NLN: variants seen among roughly 807,000 people sequenced by gnomAD.
The protein encoded by NLN is neurolysin.
In NLN, 64 loss-of-function variants were observed where a neutral mutation model predicts 79.9. That is an observed-to-expected ratio of 0.80 (90% confidence interval 0.65 to 0.99). The LOEUF is 0.99. Among genes scored for constraint, NLN ranks in the 50% least tolerant of loss-of-function variants. The pLI is 0.00. For synonymous variants in NLN, 267 were observed against 296.6 expected, an observed-to-expected ratio of 0.90 and a Z score of 1.02; for missense variants, 835 against 858.7, an observed-to-expected ratio of 0.97 and a Z score of 0.34.
intron 4 of NLN, among the ~76,000 whole-genome samples, chr5:65,778,143 C>G (rs1339169083): frequency 1.3e-5 from 2 of 152,122 alleles, no homozygotes; most frequent in Non-Finnish European, 2.9e-5. Context: ...AAACCAGCAC[C>G]TTGGAATGGA....
chr5:65,776,257 A>C (rs1759677728), intron 3 of NLN, among the ~76,000 whole-genome samples: 3 of 152,236 alleles, frequency 2.0e-5, no homozygotes, highest in Non-Finnish European at 4.4e-5. Context: ...GTCTCCAAAA[A>C]AATAAAATAA....
chr5:65,724,739 A>C (rs1173413312), intron 1 of NLN, among the ~76,000 whole-genome samples: 1 of 151,280 alleles, frequency 6.6e-6, no homozygotes, highest in Admixed American at 6.6e-5. Context: ...CCACATCATC[A>C]TCAGCACTTA....
Position 65,763,047 on chromosome 5 carries a change from C to G in NLN, c.389C>G (p.Ser130Cys), listed in dbSNP as rs1276707831. Residue 130 changes from serine (S) to cysteine (C), a missense_variant, in exon 3 of 13, where the codon TCT becomes TGT. Coordinates refer to ENST00000380985, the MANE Select transcript of NLN (RefSeq NM_020726.5). ...AASTEADKRL[S>C]RFDIEMSMRG... ...AGTACAGAAGCAGACAAAAGACTTT[C>G]TCGTTTTGATATTGAGATGAGCATG... The G allele has an allele frequency of 6.2e-7, 1 of 1,613,718 alleles. No individual in the cohort carries two copies. Among genetic ancestry groups the G allele is most frequent in the Non-Finnish European group, 8.5e-7 (1 of 1,179,788 alleles).
chr5:65,790,186 T>C (rs903301575), intron 8 of NLN, among the ~76,000 whole-genome samples: 1 of 152,148 alleles, frequency 6.6e-6, no homozygotes, highest in Non-Finnish European at 1.5e-5. Flanking sequence ...TTTAAATAGA[T>C]CAAAGGAGAG....
chr5:65,815,034 G>A (rs1477577494), intron 12 of NLN, among the ~76,000 whole-genome samples: 2 of 152,096 alleles, frequency 1.3e-5, no homozygotes, highest in African/African-American at 4.8e-5. Context: ...ATAGTACATA[G>A]ATTATTTTAG....
intron 6 of NLN, among the ~76,000 whole-genome samples, chr5:65,783,097 A>T (rs1007966761): frequency 6.6e-6 from 1 of 152,178 alleles, no homozygotes; most frequent in Admixed American, 6.5e-5. Flanking sequence ...AAATAAGATA[A>T]AAGTTTTATC....
At chr5:65,821,290 C>G (rs147631633) in intron 12 of NLN, among the ~76,000 whole-genome samples, 1 of 152,230 alleles carries the variant, frequency 6.6e-6, no homozygotes, top group Non-Finnish European at 1.5e-5. Context: ...GTGTAGCAAA[C>G]CTTCCTAAAG....
At chr5:65,794,158 T>TA (rs1760122574) in intron 9 of NLN, among the ~76,000 whole-genome samples, 1 of 152,192 alleles carries the variant, frequency 6.6e-6, no homozygotes, top group African/African-American at 2.4e-5. Flanking sequence ...GGAAGTGGTT[T>TA]ATGTTGTCAG....
chr5:65,765,379 G>A (rs1194407891), intron 3 of NLN, among the ~76,000 whole-genome samples: 2 of 152,052 alleles, frequency 1.3e-5, no homozygotes, highest in Admixed American at 6.6e-5. Flanking sequence ...TTAGCCAGGT[G>A]TGGTGGCAGG....
chr5:65,800,567 C>T (rs879887858), intron 9 of NLN, among the ~76,000 whole-genome samples: 4 of 151,890 alleles, frequency 2.6e-5, no homozygotes, highest in Admixed American at 1.3e-4. Flanking sequence ...CCCAGCTACT[C>T]GGGAGGCAGG....
intron 1 of NLN, among the ~76,000 whole-genome samples, chr5:65,756,207 C>T (rs1229529374): frequency 6.6e-6 from 1 of 152,168 alleles, no homozygotes; most frequent in Non-Finnish European, 1.5e-5. Flanking sequence ...TCTTCTCACT[C>T]TGCAAACTCC....
chr5:65,802,627 C>T (rs1479477127), intron 9 of NLN, among the ~76,000 whole-genome samples: 1 of 152,180 alleles, frequency 6.6e-6, no homozygotes, highest in Non-Finnish European at 1.5e-5. Flanking sequence ...AGTTCCTGTC[C>T]CGTGCCCAGG....
At chr5:65,738,664 T>TC (rs1158639158) in intron 1 of NLN, among the ~76,000 whole-genome samples, 1 of 152,012 alleles carries the variant, frequency 6.6e-6, no homozygotes, top group East Asian at 1.9e-4. Flanking sequence ...AACTTATTCT[T>TC]CCTATCTAAG....
chr5:65,782,644 AG>A (rs1394583703), intron 6 of NLN, among the ~76,000 whole-genome samples: 1 of 152,220 alleles, frequency 6.6e-6, no homozygotes, highest in Non-Finnish European at 1.5e-5. Context: ...TCTTAACACT[AG>A]GAACACAGAG....
chr5:65,780,022 C>T (rs185084551), intron 4 of NLN, 157 bp from the exon 5 acceptor site: 5,617 of 494,754 alleles, frequency 0.011, 57 homozygotes, highest in Middle Eastern at 0.037. Context: ...GACTGGCTTT[C>T]ACCATGTTAG....
chr5:65,797,603 C>A (rs1760199045), intron 9 of NLN, among the ~76,000 whole-genome samples: 1 of 152,076 alleles, frequency 6.6e-6, no homozygotes, highest in South Asian at 2.1e-4. Flanking sequence ...AAAATGGGGA[C>A]AACAGCAATT....
intron 9 of NLN, among the ~76,000 whole-genome samples, chr5:65,796,996 T>C (rs1220767130): frequency 2.0e-5 from 3 of 152,264 alleles, no homozygotes; most frequent in Non-Finnish European, 2.9e-5. Flanking sequence ...TTTTCAAACA[T>C]GTAGATGCAC....
rs397725018 is a variant in NLN at position 65,738,997 on chromosome 5, T to TATAA, written c.41+16583_41+16584insATAA. ...TATATATATTATATATTTATATATA[T>TATAA]TTTATAATATATATTTATATATATA... On this transcript the variant is annotated intron_variant, in intron 1 of 12. Coordinates refer to ENST00000380985, the MANE Select transcript of NLN (RefSeq NM_020726.5). 3.5e-5 allele frequency among the ~76,000 whole-genome samples: 4 copies of TATAA among 114,102 alleles called. 1 individual carries two copies. Among genetic ancestry groups the TATAA allele is most frequent in the East Asian group, 4.4e-4 (2 of 4,516 alleles). The allele number at this position is 114,102 out of a possible 152,430, so 74.9% of individuals were successfully genotyped here.
chr5:65,739,947 G>T (rs1458501437), intron 1 of NLN, among the ~76,000 whole-genome samples: 1 of 151,900 alleles, frequency 6.6e-6, no homozygotes, highest in Non-Finnish European at 1.5e-5. Context: ...CCATTCTATA[G>T]GTTGTCTCTT....
Sources: gnomAD v4.1 joint callset for allele counts (sites outside exome capture counted in the v4.1 genomes callset) on GRCh38, gnomAD v4.1.1 for gene constraint, MANE v1.5 for transcripts, NCBI Gene and HGNC (gene_info 2026-07-23, HGNC 2026-07-21) for gene names.